SH3RF3: variants seen among roughly 807,000 people sequenced by gnomAD.
SH3RF3 encodes SH3 domain containing ring finger 3.
In SH3RF3, 29 loss-of-function variants were observed where a neutral mutation model predicts 66.3. That is an observed-to-expected ratio of 0.44 (90% confidence interval 0.33 to 0.60). SH3RF3 has a LOEUF of 0.60. SH3RF3 is among the 20% of genes least tolerant of loss of function. The pLI, the probability that SH3RF3 is intolerant of heterozygous loss-of-function variation, is 0.04. For synonymous variants in SH3RF3, 583 were observed against 532.0 expected (o/e 1.10, Z -1.32); for missense variants, 1,194 against 1,190.9 (o/e 1.00, Z -0.04).
At chr2:109,211,162 A>G (rs982941527) in intron 1 of SH3RF3, among the ~76,000 whole-genome samples, 1 of 152,086 alleles carries the variant, frequency 6.6e-6, no homozygotes, top group Admixed American at 6.5e-5. Context: ...ATTAAAGGAG[A>G]AGTGAGCCCT....
At chr2:109,318,710 G>A (rs1681945341) in intron 1 of SH3RF3, among the ~76,000 whole-genome samples, 3 of 152,110 alleles carry the variant, frequency 2.0e-5, no homozygotes, top group Admixed American at 6.5e-5. Flanking sequence ...CCAGAATCCG[G>A]GGCTGCCCTG....
chr2:109,273,386 G>T (rs763487477), intron 1 of SH3RF3, among the ~76,000 whole-genome samples: 1 of 152,218 alleles, frequency 6.6e-6, no homozygotes, highest in Non-Finnish European at 1.5e-5. Flanking sequence ...CATGGATGAG[G>T]GGGGAGGCAG....
intron 1 of SH3RF3, among the ~76,000 whole-genome samples, chr2:109,304,780 C>T (rs1007236456): frequency 2.0e-5 from 3 of 152,244 alleles, no homozygotes; most frequent in East Asian, 3.9e-4. Flanking sequence ...AGCAGGGACC[C>T]GGCTCAGCCC....
intron 1 of SH3RF3, among the ~76,000 whole-genome samples, chr2:109,179,003 A>G (rs199869183): frequency 0.12 from 16,811 of 142,156 alleles, 1,300 homozygotes; most frequent in East Asian, 0.3. Context: ...AAGTATAATA[A>G]TGTGTGTGTG....
chr2:109,229,888 A>C (rs537763556), intron 1 of SH3RF3, among the ~76,000 whole-genome samples: 2 of 146,062 alleles, frequency 1.4e-5, no homozygotes, highest in Admixed American at 1.4e-4. Context: ...GCAGTGGCGC[A>C]ATCTTGGCTC....
intron 1 of SH3RF3, among the ~76,000 whole-genome samples, chr2:109,196,356 C>T (rs1678499747): frequency 6.6e-6 from 1 of 152,188 alleles, no homozygotes; most frequent in African/African-American, 2.4e-5. Context: ...GGCTTGCAGG[C>T]CTGGCTCGGT....
chr2:109,182,258 G>A (rs961598096), intron 1 of SH3RF3, among the ~76,000 whole-genome samples: 54 of 152,194 alleles, frequency 3.5e-4, no homozygotes, highest in African/African-American at 1.2e-3. Context: ...GTCATCCCAT[G>A]GCAGAAGGCA....
At chr2:109,466,474 C>T (rs61202729) in intron 8 of SH3RF3, among the ~76,000 whole-genome samples, 6,142 of 152,214 alleles carry the variant, frequency 0.04, 237 homozygotes, top group African/African-American at 0.096. Flanking sequence ...GTTCTTTGTA[C>T]ATTTTAGATA....
At chr2:109,353,094 G>C (rs1333540960) in intron 2 of SH3RF3, among the ~76,000 whole-genome samples, 1 of 152,232 alleles carries the variant, frequency 6.6e-6, no homozygotes, top group Non-Finnish European at 1.5e-5. Flanking sequence ...CCTCTGCTCA[G>C]AGTCCTCAGT....
At position 109,129,807 on chromosome 2, in the gene SH3RF3, C is replaced by T. The variant is rs1350998657; in HGVS notation, c.267C>T (p.Arg89=). ...GCCTGGAGAGCATCGTGTGCTCGCG[C>T]CACGAGCTGCGCTGCCCCGAGTGCC... ...RRCLESIVCS[R]HELRCPECRI... The change falls in exon 1 of 10, where the codon CGC becomes CGT. Residue 89 remains arginine, a synonymous_variant. Transcript: ENST00000309415. The T allele has an allele frequency of 6.5e-7, 1 of 1,538,250 alleles. No homozygotes were observed.
At chr2:109,159,202 G>T (rs1022286406) in intron 1 of SH3RF3, among the ~76,000 whole-genome samples, 13 of 152,204 alleles carry the variant, frequency 8.5e-5, no homozygotes, top group African/African-American at 3.1e-4. Context: ...GAGCCGTGGT[G>T]CCAGGCTCTG....
chr2:109,424,477 C>CT (rs1199374592), intron 5 of SH3RF3, among the ~76,000 whole-genome samples: 1 of 96,968 alleles, frequency 1.0e-5, no homozygotes, highest in Non-Finnish European at 2.0e-5. Flanking sequence ...ACAGATACTG[C>CT]ATTTTTTTTA....
intron 1 of SH3RF3, among the ~76,000 whole-genome samples, chr2:109,187,694 G>A (rs1424948969): frequency 6.6e-6 from 1 of 152,136 alleles, no homozygotes; most frequent in African/African-American, 2.4e-5. Context: ...TGTCACCCAA[G>A]GACTCATTTT....
intron 1 of SH3RF3, among the ~76,000 whole-genome samples, chr2:109,312,022 CTT>C (rs1362911856): frequency 1.5e-5 from 2 of 135,590 alleles, no homozygotes; most frequent in Non-Finnish European, 3.1e-5. Context: ...TTTGAACTGA[CTT>C]GAGCGTTGTG....
At chr2:109,166,882 T>C (rs1259563209) in intron 1 of SH3RF3, among the ~76,000 whole-genome samples, 1 of 152,236 alleles carries the variant, frequency 6.6e-6, no homozygotes, top group Admixed American at 6.5e-5. Flanking sequence ...ACATTATACT[T>C]AGGGCTTACT....
At chr2:109,470,054 T>A (rs968864878) in intron 8 of SH3RF3, among the ~76,000 whole-genome samples, 2 of 152,230 alleles carry the variant, frequency 1.3e-5, no homozygotes, top group Admixed American at 1.3e-4. Flanking sequence ...GAGGGTTAGC[T>A]GAGCCCGTTC....
chr2:109,222,146 G>T (rs1679266769), intron 1 of SH3RF3, among the ~76,000 whole-genome samples: 1 of 146,204 alleles, frequency 6.8e-6, no homozygotes, highest in South Asian at 2.1e-4. Context: ...GCTAAAAAAG[G>T]TGCTCGCATG....
intron 8 of SH3RF3, among the ~76,000 whole-genome samples, chr2:109,453,668 A>C (rs1289551260): frequency 6.6e-6 from 1 of 152,236 alleles, no homozygotes; most frequent in African/African-American, 2.4e-5. Flanking sequence ...GAGCGCAGGC[A>C]CACGGTTCAT....
At chr2:109,418,728 G>A (rs1350592706) in intron 4 of SH3RF3, among the ~76,000 whole-genome samples, 3 of 152,188 alleles carry the variant, frequency 2.0e-5, no homozygotes, top group East Asian at 3.9e-4. Flanking sequence ...ACAGATCTTT[G>A]AGAGGTACAC....
Sources: allele counts gnomAD v4.1 joint callset (sites outside exome capture counted in the v4.1 genomes callset), GRCh38; gene constraint gnomAD v4.1.1; transcripts MANE v1.5; gene names NCBI Gene and HGNC (gene_info 2026-07-23, HGNC 2026-07-21).